Variants in ZBTB8A observed in about 807,000 individuals in gnomAD.
ZBTB8A encodes the protein zinc finger and BTB domain-containing protein 8A.
In ZBTB8A, 19 loss-of-function variants were observed where a neutral mutation model predicts 37.8. That is an observed-to-expected ratio of 0.50 (90% CI 0.35 to 0.74). The LOEUF (loss-of-function observed/expected upper bound fraction) is 0.74. ZBTB8A is among the 30% of genes least tolerant of loss of function. The probability of loss-of-function intolerance (pLI) is 0.01; values close to 1 mark genes in which losing one functional copy is unlikely to be tolerated. For synonymous variants in ZBTB8A, 181 were observed against 185.2 expected, an observed-to-expected ratio of 0.98 and a Z score of 0.19; for missense variants, 394 against 537.8, an observed-to-expected ratio of 0.73 and a Z score of 2.65.
Position 32,569,386 on chromosome 1 carries a change from C to CTTTT in ZBTB8A, c.-2+15868_-2+15871dup, listed in dbSNP as rs563715372. Among the ~76,000 whole-genome samples the CTTTT allele has an allele frequency of 2.1e-3, 173 of 82,304 alleles. 1 individual carries two copies. Among genetic ancestry groups the CTTTT allele is most frequent in the African/African-American group, 3.4e-3 (66 of 19,256 alleles). The allele number at this position is 82,304 out of a possible 152,430, so 54.0% of individuals were successfully genotyped here. On this transcript the variant is annotated intron_variant, in intron 2 of 4. Transcript: ENST00000373510. ...TGGTTTGTGGTCTGGTTTTCCTTTCCTTTTTTTTTTTTTTTTTTTTTTTTT... is the reference window on the plus strand; with the variant it reads ...TGGTTTGTGGTCTGGTTTTCCTTTCCTTTTTTTTTTTTTTTTTTTTTTTTTTTTT...
At chr1:32,585,661 G>T (rs1570360358) in intron 2 of ZBTB8A, among the ~76,000 whole-genome samples, 1 of 152,006 alleles carries the variant, frequency 6.6e-6, no homozygotes, top group African/African-American at 2.4e-5. Context: ...TTGTCAAACT[G>T]ATGCTAATGT....
At chr1:32,560,918 G>A (rs894535482) in intron 2 of ZBTB8A, among the ~76,000 whole-genome samples, 1 of 151,976 alleles carries the variant, frequency 6.6e-6, no homozygotes, top group Admixed American at 6.6e-5. Flanking sequence ...GAGCCACCAT[G>A]CCCAGCCCAA....
chr1:32,558,960 T>C (rs1333005680), intron 2 of ZBTB8A, among the ~76,000 whole-genome samples: 4 of 152,204 alleles, frequency 2.6e-5, no homozygotes, highest in Admixed American at 2.0e-4. Flanking sequence ...ACTGTACTCT[T>C]ATAAACCCCC....
chr1:32,553,206 CCTG>C (rs1557702546), intron 1 of ZBTB8A, among the ~76,000 whole-genome samples: 1 of 151,848 alleles, frequency 6.6e-6, no homozygotes, highest in East Asian at 1.9e-4. Flanking sequence ...ATTACAGGCA[CCTG>C]CCACCATGCC....
At chr1:32,565,940 G>T (rs188892983) in intron 2 of ZBTB8A, among the ~76,000 whole-genome samples, 22 of 152,158 alleles carry the variant, frequency 1.4e-4, no homozygotes, top group Non-Finnish European at 2.9e-4. Flanking sequence ...CGTGGCTCAC[G>T]CCTGTAATCT....
chr1:32,595,135 G>A lies in ZBTB8A; in HGVS notation c.905G>A (p.Arg302His), dbSNP rs757047444. Residue 302 changes from arginine to histidine, a missense_variant, in exon 4 of 5, where the codon CGT becomes CAT. Arg to His is a conservative substitution (Grantham distance 29). Coordinates refer to ENST00000373510, the MANE Select transcript of ZBTB8A (RefSeq NM_001040441.3). ...KRKADLKRHL[R>H]CHTGERPYPC... ...AAGGCAGACCTAAAGCGCCACCTTC[G>A]TTGTCATACAGGAGAAAGGCCCTAT... 5 of 1,614,212 alleles carry A rather than the reference G, an allele frequency of 3.1e-6. No homozygotes were observed. Among genetic ancestry groups the A allele is most frequent in the South Asian group, 1.1e-5 (1 of 91,088 alleles).
At chr1:32,589,834 G>A (rs1644475145) in intron 2 of ZBTB8A, among the ~76,000 whole-genome samples, 2 of 152,100 alleles carry the variant, frequency 1.3e-5, no homozygotes, top group African/African-American at 2.4e-5. Context: ...TTACAGGTGT[G>A]AGTCACCACG....
intron 2 of ZBTB8A, among the ~76,000 whole-genome samples, chr1:32,573,946 C>A (rs1011023257): frequency 1.3e-5 from 2 of 151,382 alleles, no homozygotes; most frequent in Admixed American, 1.3e-4. Context: ...TGTGGCAGCG[C>A]GTGCCTGTAA....
chr1:32,585,303 A>G (rs933565649), intron 2 of ZBTB8A, among the ~76,000 whole-genome samples: 2 of 151,980 alleles, frequency 1.3e-5, no homozygotes, highest in African/African-American at 4.8e-5. Flanking sequence ...TGTGAGCTAT[A>G]GCACCTGGAC....
chr1:32,580,564 G>A (rs1212398410), intron 2 of ZBTB8A, among the ~76,000 whole-genome samples: 1 of 151,018 alleles, frequency 6.6e-6, no homozygotes, highest in Non-Finnish European at 1.5e-5. Flanking sequence ...AAAAAAAAAA[G>A]AGAATTTTCA....
chr1:32,561,660 G>A (rs567684966), intron 2 of ZBTB8A, among the ~76,000 whole-genome samples: 8 of 152,118 alleles, frequency 5.3e-5, no homozygotes, highest in Admixed American at 3.9e-4. Flanking sequence ...GCCTCCCAAA[G>A]TGCTAGGATT....
Position 32,593,081 on chromosome 1 carries a change from A to C in ZBTB8A, c.150A>C (p.Lys50Asn). The stretch of plus-strand genomic sequence containing the variant: ...TATTCGCTAGTAGCGGCTACTTTAA[A>C]ATGCTTCTTTCTCAGAATTCAAAGG... The part of the protein sequence containing the change: ...NVLFASSGYF[K>N]MLLSQNSKET... Residue 50 changes from lysine to asparagine, a missense_variant, in exon 3 of 5, where the codon AAA becomes AAC. Transcript: ENST00000373510. 6.2e-7 allele frequency: 1 copy of C among 1,614,148 alleles called. No homozygotes were observed. Among genetic ancestry groups the C allele is most frequent in the Non-Finnish European group, 8.5e-7 (1 of 1,180,038 alleles).
In ZBTB8A at chr1:32,544,295, C is replaced by T. The variant is rs546924552; in HGVS notation, c.-84+4723C>T. Among the ~76,000 whole-genome samples the T allele has an allele frequency of 4.0e-4, 61 of 152,348 alleles. 1 individual carries two copies. The Middle Eastern group carries it at 0.034, about 85-fold the overall frequency. ...AACCTGGCTGATATAGCCTACTACA[C>T]GCCTAGGCTGTATGGTATAGCCTAT... On this transcript the variant is annotated intron_variant, in intron 1 of 4. Coordinates refer to ENST00000373510, the MANE Select transcript of ZBTB8A (RefSeq NM_001040441.3).
chr1:32,582,204 AC>A (rs1315661523), intron 2 of ZBTB8A, among the ~76,000 whole-genome samples: 1 of 152,146 alleles, frequency 6.6e-6, no homozygotes, highest in Non-Finnish European at 1.5e-5. Context: ...TTGAGTACTA[AC>A]TTGATGCTCA....
At chr1:32,564,339 A>C (rs1000857727) in intron 2 of ZBTB8A, among the ~76,000 whole-genome samples, 1 of 152,182 alleles carries the variant, frequency 6.6e-6, no homozygotes, top group Non-Finnish European at 1.5e-5. Context: ...TTTACGTTAT[A>C]AGCTGTGATA....
rs72652155 is a variant in ZBTB8A, at chr1:32,549,190, A to G, written c.-83-4269A>G. 9.6e-3 allele frequency among the ~76,000 whole-genome samples: 1,460 copies of G among 151,706 alleles called. 15 individuals carry two copies. The highest frequency in any genetic ancestry group is 0.017 in the Non-Finnish European group (1,135 of 67,928). On this transcript the variant is annotated intron_variant, in intron 1 of 4. Coordinates refer to ENST00000373510, the MANE Select transcript of ZBTB8A (RefSeq NM_001040441.3). ...AGGGCAGAGTCAGACTCTGTCTCAA[A>G]ACAAAACAAAACAAAACACCTCGCT...
At chr1:32,567,444 T>C (rs962842999) in intron 2 of ZBTB8A, among the ~76,000 whole-genome samples, 3 of 152,120 alleles carry the variant, frequency 2.0e-5, no homozygotes, top group Admixed American at 1.3e-4. Context: ...ATTAATTTTA[T>C]CATAAACTGG....
chr1:32,591,229 CAG>C (rs1411569235), intron 2 of ZBTB8A, among the ~76,000 whole-genome samples: 1 of 149,668 alleles, frequency 6.7e-6, no homozygotes, highest in Non-Finnish European at 1.5e-5. Context: ...TTTTTAGAGA[CAG>C]AGTCTCTCTC....
chr1:32,576,730 A>C (rs1328805583), intron 2 of ZBTB8A, among the ~76,000 whole-genome samples: 1 of 148,782 alleles, frequency 6.7e-6, no homozygotes, highest in Non-Finnish European at 1.5e-5. Context: ...CGCCCAGCCT[A>C]ATTTTTGTAT....
Sources: gnomAD v4.1 joint callset for allele counts (sites outside exome capture counted in the v4.1 genomes callset) on GRCh38, gnomAD v4.1.1 for gene constraint, MANE v1.5 for transcripts, NCBI Gene and HGNC (gene_info 2026-07-23, HGNC 2026-07-21) for gene names.